Variants in ACAD8 observed in about 807,000 individuals in gnomAD.
ACAD8 encodes the protein isobutyryl-CoA dehydrogenase, mitochondrial.
Under a neutral mutation model 53.1 loss-of-function variants are expected in ACAD8, and 47 were observed. The ratio of observed to expected loss-of-function variants is 0.89; its 90% CI spans 0.70 to 1.13. The LOEUF is 1.13. Among genes scored for constraint, ACAD8 ranks in the 50% most tolerant of loss-of-function variants. The pLI is 0.00. For synonymous variants in ACAD8, 198 were observed against 201.3 expected (o/e 0.98, Z 0.14); for missense variants, 494 against 535.0 (o/e 0.92, Z 0.76).
intron 9 of ACAD8, chr11:134,262,209 C>A (rs748995926): frequency 7.4e-5 from 48 of 648,342 alleles, no homozygotes; most frequent in Non-Finnish European, 1.3e-4. Context: ...GGCTGCATTG[C>A]CACTAGGGGG....
chr11:134,257,129 A>C lies in ACAD8; in HGVS notation c.252A>C (p.Leu84=), dbSNP rs758576674. 5.0e-6 allele frequency: 8 copies of C among 1,614,174 alleles called. No individual in the cohort carries two copies. Among genetic ancestry groups the C allele is most frequent in the Non-Finnish European group, 5.9e-6 (7 of 1,180,034 alleles). The change falls in exon 3 of 11, where the codon CTA becomes CTC. Residue 84 remains leucine (L), a synonymous_variant. Coordinates refer to ENST00000281182, the MANE Select transcript of ACAD8 (RefSeq NM_014384.3). The part of the protein sequence containing the change: ...PVDVMRKAAQ[L]GFGGVYIQTD... ...ATGTGATGCGGAAGGCAGCCCAGCT[A>C]GGCTTCGGAGGGGTCTACATACAAA...
At chr11:134,262,840 G>C in intron 10 of ACAD8, 2 of 1,438,508 alleles carry the variant, frequency 1.4e-6, no homozygotes, top group South Asian at 1.2e-5. Flanking sequence ...AGATCGCTCT[G>C]CTGCTGCCCT....
At position 134,261,512 on chromosome 11, in the gene ACAD8, T is replaced by C; in HGVS notation, c.939+140T>C. 1 of 1,505,320 alleles carries C rather than the reference T, an allele frequency of 6.6e-7. No individual in the cohort carries two copies. The highest frequency in any genetic ancestry group is 1.2e-5 in the South Asian group (1 of 83,998). 93.2% of individuals were successfully genotyped at this position (1,505,320 alleles called of 1,614,324 possible). A position where few individuals can be genotyped will look rare whatever the true frequency, so the allele number is the denominator to read the frequency against. The stretch of plus-strand genomic sequence containing the variant: ...TCCTAGCCAGAGCTTGTGCTTTATT[T>C]CTGTCCATCTTTTCTTGGGATATCT... On this transcript the variant is annotated intron_variant, in intron 8 of 10. Coordinates refer to ENST00000281182, the MANE Select transcript of ACAD8 (RefSeq NM_014384.3). The surrounding 1 kb of genome is among the most constrained non-coding windows in gnomAD (Gnocchi z 4.2).
At chr11:134,257,031 A>G in intron 2 of ACAD8, 57 bp from the exon 3 acceptor site, 4 of 1,597,202 alleles carry the variant, frequency 2.5e-6, no homozygotes, top group Non-Finnish European at 2.6e-6. Context: ...TGTGCCCTCT[A>G]AAAGGAAGGC....
rs778104543 is a variant in ACAD8 at position 134,258,544 on chromosome 11, GA to G, written c.413del (p.Asn138MetfsTer36). On this transcript the variant is annotated frameshift_variant, in exon 4 of 11. Transcript: ENST00000281182. LOFTEE classifies it high-confidence loss of function. ...NMCAWMIDSF[G>X]NEEQRHKFCP... The stretch of plus-strand genomic sequence containing the variant: ...TGTGCCTGGATGATTGATAGCTTCG[GA>G]AATGAGGAACAGAGGCACAAATTTT... 1.9e-6 allele frequency: 3 copies of G among 1,613,838 alleles called. No individual in the cohort carries two copies. Among genetic ancestry groups the G allele is most frequent in the East Asian group, 4.5e-5 (2 of 44,874 alleles).
In ACAD8 at chr11:134,257,219, A is replaced by T. The variant is rs754982767; in HGVS notation, c.342A>T (p.Thr114=). The T allele has an allele frequency of 1.2e-6, 2 of 1,614,222 alleles. No homozygotes were observed. The highest frequency in any genetic ancestry group is 2.2e-5 in the South Asian group (2 of 91,090). ...CTGTCATTTTTGAAGCCTTGGCTAC[A>T]GGCTGCACCAGCACCACAGCCTATA... ...DTSVIFEALA[T]GCTSTTAYIS... Residue 114 remains threonine (T), a synonymous_variant, in exon 3 of 11, where the codon ACA becomes ACT. Coordinates refer to ENST00000281182, the MANE Select transcript of ACAD8 (RefSeq NM_014384.3).
intron 2 of ACAD8, 87 bp from the exon 3 acceptor site, chr11:134,257,001 C>A: frequency 2.1e-6 from 3 of 1,403,518 alleles, no homozygotes; most frequent in Non-Finnish European, 3.0e-6. Context: ...GTCGCATGTG[C>A]AAGCCTCCTA....
chr11:134,258,769 C>T, intron 4 of ACAD8, 145 bp downstream of exon 4: 1 of 761,896 alleles, frequency 1.3e-6, no homozygotes. Context: ...AGTCCTGTGA[C>T]CTGATGTCAC....
intron 9 of ACAD8, 120 bp from the exon 10 acceptor site, chr11:134,262,400 T>G: frequency 1.4e-6 from 1 of 703,610 alleles, no homozygotes; most frequent in Non-Finnish European, 2.6e-6. Flanking sequence ...AGCTTGGCTG[T>G]TTGTGGTTCT....
chr11:134,254,077 G>C (rs1439838373), intron 1 of ACAD8, among the ~76,000 whole-genome samples: 1 of 151,950 alleles, frequency 6.6e-6, no homozygotes, highest in Non-Finnish European at 1.5e-5. Flanking sequence ...CTCCGGCCCG[G>C]GTCCTCCTGC....
intron 3 of ACAD8, 98 bp downstream of exon 3, chr11:134,257,355 T>A: frequency 1.4e-6 from 2 of 1,466,448 alleles, no homozygotes; most frequent in Non-Finnish European, 1.9e-6. Flanking sequence ...TGAAGCTGAG[T>A]GTCCTCAAGG....
At position 134,258,636 on chromosome 11, in the gene ACAD8, A is replaced by C; in HGVS notation, c.490+12A>C. ...CCTCACTGAACCAGGTGAATTTGCC[A>C]CACTGCACTGAGATATAGCAGGGAG... On this transcript the variant is annotated intron_variant, in intron 4 of 10. Transcript: ENST00000281182. The C allele has an allele frequency of 4.4e-6, 7 of 1,591,964 alleles. No homozygotes were observed. The highest frequency in any genetic ancestry group is 6.0e-6 in the Non-Finnish European group (7 of 1,160,712).
At chr11:134,258,420 C>T (rs1321969275) in intron 3 of ACAD8, 95 bp from the exon 4 acceptor site, 4 of 832,738 alleles carry the variant, frequency 4.8e-6, no homozygotes, top group African/African-American at 1.7e-5. Flanking sequence ...TACTCCACTG[C>T]CCTGCCCTTT....
rs138373816 is a variant in ACAD8, at chr11:134,264,969, C to T, written c.*9C>T. 1.9e-6 allele frequency: 3 copies of T among 1,613,922 alleles called. No homozygotes were observed. Among genetic ancestry groups the T allele is most frequent in the African/African-American group, 1.3e-5 (1 of 75,050 alleles). On this transcript the variant is annotated 3_prime_UTR_variant, in exon 11 of 11. Coordinates refer to ENST00000281182, the MANE Select transcript of ACAD8 (RefSeq NM_014384.3). ...GCCTGCTTCAGGAGTAGAACCCACA[C>T]TTGTTCTGGCCTGGTGTTCAGTGCG...
intron 5 of ACAD8, 181 bp from the exon 6 acceptor site, chr11:134,259,423 GTGCC>G: frequency 3.4e-6 from 2 of 580,520 alleles, no homozygotes; most frequent in African/African-American, 5.3e-5. Context: ...GTCAGTCTCT[GTGCC>G]ATTGGACCTT....
In ACAD8 at chr11:134,256,534, A is replaced by G. The variant is rs375143456; in HGVS notation, c.110-14A>G. ...GACCCTGTCCTAGAACAGTATATGC[A>G]ATCCTGCCCACAGCTTCCATGGGAC... On this transcript the variant is annotated splice_polypyrimidine_tract_variant and intron_variant, in intron 1 of 10. Coordinates refer to ENST00000281182, the MANE Select transcript of ACAD8 (RefSeq NM_014384.3). 8 of 1,612,030 alleles carry G rather than the reference A, an allele frequency of 5.0e-6. No individual in the cohort carries two copies. In the African/African-American group the frequency reaches 6.7e-5, roughly 13 times the overall value.
chr11:134,256,625 A>T lies in ACAD8; in HGVS notation c.187A>T (p.Asn63Tyr). ...CTTTGCTGCCCGAGAGATGGCTCCAAATATGGCAGAGTGGGACCAGAAGGT... is the reference window on the plus strand; with the variant it reads ...CTTTGCTGCCCGAGAGATGGCTCCATATATGGCAGAGTGGGACCAGAAGGT... ...FDFAAREMAP[N>Y]MAEWDQKELF... The change falls in exon 2 of 11, where the codon AAT becomes TAT. Residue 63 changes from asparagine (N) to tyrosine (Y), a missense_variant. Asn to Tyr is a moderately radical substitution (Grantham distance 143). Transcript: ENST00000281182. 1 of 1,614,212 alleles carries T rather than the reference A, an allele frequency of 6.2e-7. No individual in the cohort carries two copies.
At position 134,261,655 on chromosome 11, in the gene ACAD8, C is replaced by T. The variant is rs772285913; in HGVS notation, c.940-83C>T. The T allele has an allele frequency of 1.7e-5, 27 of 1,600,850 alleles. No individual in the cohort carries two copies. The African/African-American group carries it at 2.5e-4, about 15-fold the overall frequency. ...TTGGATCACTTAGAAAAGGCGCCTC[C>T]GAGATGTCTTACCGAGGCTCCTGCA... On this transcript the variant is annotated intron_variant, in intron 8 of 10. Transcript: ENST00000281182. The surrounding 1 kb of genome is among the most constrained non-coding windows in gnomAD (Gnocchi z 4.2).
At chr11:134,254,936 T>C (rs1490155527) in intron 1 of ACAD8, among the ~76,000 whole-genome samples, 1 of 152,254 alleles carries the variant, frequency 6.6e-6, no homozygotes, top group Non-Finnish European at 1.5e-5. Context: ...TATTTCCTTC[T>C]GGGAACTTGT....
Sources: gnomAD v4.1 joint callset for allele counts (sites outside exome capture counted in the v4.1 genomes callset) on GRCh38, gnomAD v4.1.1 for gene constraint, Gnocchi (gnomAD v3.1) non-coding constraint, MANE v1.5 for transcripts, NCBI Gene and HGNC (gene_info 2026-07-23, HGNC 2026-07-21) for gene names.